The following AGBL1 variants were observed in gnomAD, a reference collection of about 807,000 sequenced individuals.
AGBL1 encodes cytosolic carboxypeptidase 4.
Under a neutral mutation model 118.9 loss-of-function variants are expected in AGBL1, and 130 were observed. That is an observed-to-expected ratio of 1.09 (90% CI 0.95 to 1.26). AGBL1 has a LOEUF of 1.26. Ranked by LOEUF, AGBL1 falls within the 50% of genes most tolerant of loss-of-function variation. AGBL1 has a pLI of 0.00. For missense variants in AGBL1, 1,584 were observed against 1,298.1 expected, an observed-to-expected ratio of 1.22 and a Z score of -3.38; for synonymous variants, 555 against 478.9, an observed-to-expected ratio of 1.16 and a Z score of -2.08.
chr15:86,249,291 C>T (rs1165260033), intron 7 of AGBL1, among the ~76,000 whole-genome samples: 1 of 152,158 alleles, frequency 6.6e-6, no homozygotes, highest in African/African-American at 2.4e-5. Flanking sequence ...TCTGGACACC[C>T]TCCAGTTTTT....
chr15:86,771,419 G>T (rs547624004), intron 22 of AGBL1, among the ~76,000 whole-genome samples: 1 of 151,650 alleles, frequency 6.6e-6, no homozygotes, highest in Non-Finnish European at 1.5e-5. Flanking sequence ...TTTCCAATGC[G>T]CTTAATGGTA....
chr15:86,257,678 A>G (rs1196670722), intron 8 of AGBL1, among the ~76,000 whole-genome samples: 1 of 152,238 alleles, frequency 6.6e-6, no homozygotes, highest in Non-Finnish European at 1.5e-5. Context: ...TCTAACTTTC[A>G]TGGGAGAATC....
At chr15:86,186,901 A>C (rs2077641627) in intron 5 of AGBL1, among the ~76,000 whole-genome samples, 1 of 152,216 alleles carries the variant, frequency 6.6e-6, no homozygotes, top group African/African-American at 2.4e-5. Flanking sequence ...TTCAAGACAA[A>C]ATGTGACTCT....
chr15:86,887,524 G>A (rs903420088), intron 22 of AGBL1, among the ~76,000 whole-genome samples: 2 of 152,172 alleles, frequency 1.3e-5, no homozygotes. Context: ...TAAGCTTTTA[G>A]TTCCTAGCAT....
chr15:86,258,266 A>G (rs1262905260), intron 9 of AGBL1, among the ~76,000 whole-genome samples: 3 of 152,182 alleles, frequency 2.0e-5, no homozygotes, highest in African/African-American at 4.8e-5. Flanking sequence ...AGGCTATCCT[A>G]TACATTATTA....
intron 5 of AGBL1, among the ~76,000 whole-genome samples, chr15:86,191,946 C>G (rs1361397155): frequency 6.7e-6 from 1 of 149,818 alleles, no homozygotes; most frequent in Non-Finnish European, 1.5e-5. Context: ...ACAAAAAACA[C>G]AAAAATTAGC....
At chr15:86,445,541 A>G (rs1395477605) in intron 18 of AGBL1, among the ~76,000 whole-genome samples, 5 of 152,224 alleles carry the variant, frequency 3.3e-5, no homozygotes, top group Admixed American at 2.6e-4. Flanking sequence ...GTTGTTAAGT[A>G]TGGCAGATGC....
chr15:86,634,519 G>A (rs1026808103), intron 21 of AGBL1, among the ~76,000 whole-genome samples: 2 of 152,108 alleles, frequency 1.3e-5, no homozygotes, highest in Non-Finnish European at 2.9e-5. Context: ...TCTATATAGA[G>A]AGAAAGTGGA....
At chr15:86,789,083 C>G (rs185389328) in intron 22 of AGBL1, among the ~76,000 whole-genome samples, 1 of 152,256 alleles carries the variant, frequency 6.6e-6, no homozygotes, top group Non-Finnish European at 1.5e-5. Context: ...TGTGCAAGGT[C>G]AAAGCTTTTG....
At chr15:86,467,269 C>T (rs1289203516) in intron 18 of AGBL1, among the ~76,000 whole-genome samples, 7 of 152,180 alleles carry the variant, frequency 4.6e-5, no homozygotes, top group Non-Finnish European at 8.8e-5. Flanking sequence ...TTTGTTTACA[C>T]TGTGAGGGGA....
chr15:86,532,743 G>A (rs909187194), intron 19 of AGBL1, among the ~76,000 whole-genome samples: 2 of 150,720 alleles, frequency 1.3e-5, no homozygotes, highest in African/African-American at 4.9e-5. Context: ...AAAGAGCATG[G>A]TACTGGTACC....
intron 22 of AGBL1, among the ~76,000 whole-genome samples, chr15:86,779,382 G>A (rs890548003): frequency 2.6e-5 from 4 of 152,072 alleles, no homozygotes; most frequent in Non-Finnish European, 4.4e-5. Flanking sequence ...GGTTAAAGAG[G>A]CCCACATGCA....
At chr15:86,303,670 TTTCTC>T (rs2079791118) in intron 17 of AGBL1, among the ~76,000 whole-genome samples, 1 of 152,166 alleles carries the variant, frequency 6.6e-6, no homozygotes, top group Non-Finnish European at 1.5e-5. Flanking sequence ...ACTACCTAAT[TTTCTC>T]AATCAGCAAG....
chr15:86,891,247 T>A (rs2080047990), intron 22 of AGBL1, among the ~76,000 whole-genome samples: 1 of 152,182 alleles, frequency 6.6e-6, no homozygotes, highest in African/African-American at 2.4e-5. Context: ...ATCCTGAGAC[T>A]TTGCTGAAAT....
At chr15:86,582,009 C>T (rs1170999751) in intron 21 of AGBL1, among the ~76,000 whole-genome samples, 1 of 152,078 alleles carries the variant, frequency 6.6e-6, no homozygotes, top group Non-Finnish European at 1.5e-5. Flanking sequence ...GCACTTTTGA[C>T]ATTTTGGGCT....
intron 22 of AGBL1, among the ~76,000 whole-genome samples, chr15:86,689,556 A>C (rs1596372358): frequency 2.0e-5 from 3 of 152,292 alleles, no homozygotes; most frequent in Non-Finnish European, 4.4e-5. Context: ...GCTAAATAAC[A>C]GTATAATTCC....
chr15:87,026,606 A>G (rs2081729107), intron 24 of AGBL1, among the ~76,000 whole-genome samples: 1 of 152,064 alleles, frequency 6.6e-6, no homozygotes, highest in African/African-American at 2.4e-5. Context: ...TAAAGAACTA[A>G]AAGAAGAGCT....
chr15:86,318,461 C>G (rs2080051081), intron 17 of AGBL1, among the ~76,000 whole-genome samples: 1 of 151,696 alleles, frequency 6.6e-6, no homozygotes, highest in South Asian at 2.1e-4. Context: ...TAATGTAGTA[C>G]TATCCTTTGA....
At chr15:86,176,837 C>T (rs2077488769) in intron 5 of AGBL1, among the ~76,000 whole-genome samples, 1 of 152,154 alleles carries the variant, frequency 6.6e-6, no homozygotes, top group African/African-American at 2.4e-5. Context: ...GGCTGAGGGG[C>T]TCTCCTGTGG....
Sources: gnomAD v4.1 joint callset for allele counts (sites outside exome capture counted in the v4.1 genomes callset) on GRCh38, gnomAD v4.1.1 for gene constraint, MANE v1.5 for transcripts, NCBI Gene and HGNC (gene_info 2026-07-23, HGNC 2026-07-21) for gene names.